The following ADGRG6 variants were observed in gnomAD, a reference collection of about 807,000 sequenced individuals.
The protein encoded by ADGRG6 is adhesion G protein-coupled receptor G6, also known as G-protein coupled receptor 126.
A neutral mutation model predicts 142.4 loss-of-function variants in ADGRG6; 84 were observed. The ratio of observed to expected loss-of-function variants is 0.59; its 90% confidence interval spans 0.49 to 0.71. The LOEUF is 0.71. ADGRG6 is among the 30% of genes least tolerant of loss of function. The probability of loss-of-function intolerance (pLI) is 0.00; values close to 1 mark genes in which losing one functional copy is unlikely to be tolerated. For missense variants in ADGRG6, 1,367 were observed against 1,466.6 expected (o/e 0.93, Z 1.11); for synonymous variants, 521 against 520.5 (o/e 1.00, Z -0.01).
rs779181219 is a variant in ADGRG6 at position 142,370,341 on chromosome 6, A to G, written c.617A>G (p.Asn206Ser). Residue 206 changes from asparagine to serine, a missense_variant, in exon 4 of 25, where the codon AAT (asparagine) becomes AGT (serine). Coordinates refer to ENST00000367609, the MANE Select transcript of ADGRG6 (RefSeq NM_198569.3). ...DSDWTAFSYS[N>S]ASFTQLLSFG... ...GATTGGACAGCTTTCTCCTACTCAA[A>G]TGCATCCTTCACACAATTGCTCAGT... is the stretch of plus-strand genomic sequence containing the variant. The G allele has an allele frequency of 1.2e-6, 2 of 1,613,662 alleles. No homozygotes were observed. Among genetic ancestry groups the G allele is most frequent in the South Asian group, 2.2e-5 (2 of 91,076 alleles).
At chr6:142,367,517 C>A (rs949281059) in intron 2 of ADGRG6, 52 bp from the exon 3 acceptor site, 1 of 1,313,394 alleles carries the variant, frequency 7.6e-7, no homozygotes, top group Non-Finnish European at 1.1e-6. Context: ...CGGTTTATTG[C>A]ATGCATCTGA....
intron 4 of ADGRG6, among the ~76,000 whole-genome samples, chr6:142,380,229 T>C (rs1269347314): frequency 6.6e-6 from 1 of 152,200 alleles, no homozygotes; most frequent in Admixed American, 6.5e-5. Context: ...ACTTAGGGTC[T>C]ATGTTGATGT....
At chr6:142,352,844 G>A (rs1364867536) in intron 2 of ADGRG6, among the ~76,000 whole-genome samples, 1 of 151,610 alleles carries the variant, frequency 6.6e-6, no homozygotes, top group African/African-American at 2.4e-5. Context: ...TGAATTTGTA[G>A]TACTTAAGAA....
chr6:142,325,656 A>T (rs554369277), intron 2 of ADGRG6, among the ~76,000 whole-genome samples: 1 of 152,132 alleles, frequency 6.6e-6, no homozygotes, highest in African/African-American at 2.4e-5. Flanking sequence ...CTGTAACCAT[A>T]GCTGTATTCA....
At chr6:142,302,893 C>T (rs1224776183) in intron 1 of ADGRG6, among the ~76,000 whole-genome samples, 3 of 152,086 alleles carry the variant, frequency 2.0e-5, no homozygotes, top group Non-Finnish European at 4.4e-5. Context: ...AGGGTTACGC[C>T]ACGTTACGTG....
intron 2 of ADGRG6, among the ~76,000 whole-genome samples, chr6:142,352,470 G>A (rs1245015134): frequency 6.6e-6 from 1 of 152,096 alleles, no homozygotes; most frequent in Non-Finnish European, 1.5e-5. Context: ...GCTTGAGTGG[G>A]GAGGATGGAA....
intron 2 of ADGRG6, 22 bp downstream of exon 2, chr6:142,309,666 A>G (rs1364679971): frequency 7.1e-7 from 1 of 1,415,142 alleles, no homozygotes; most frequent in Non-Finnish European, 9.9e-7. Context: ...CCTCTTTCAC[A>G]CCTGGAATTT....
chr6:142,412,182 T>A (rs1300986217), intron 18 of ADGRG6, among the ~76,000 whole-genome samples: 4 of 152,180 alleles, frequency 2.6e-5, no homozygotes, highest in Non-Finnish European at 4.4e-5. Context: ...TACCTTTCCC[T>A]TTTATCCAGT....
chr6:142,372,912 G>A (rs9403383), intron 4 of ADGRG6, among the ~76,000 whole-genome samples: 61,660 of 152,020 alleles, frequency 0.41, 14,631 homozygotes, highest in African/African-American at 0.67. Flanking sequence ...ATGGGACAAT[G>A]TTTTGAAGAT....
intron 2 of ADGRG6, among the ~76,000 whole-genome samples, chr6:142,361,897 T>C (rs1417960750): frequency 6.6e-6 from 1 of 152,146 alleles, no homozygotes; most frequent in Non-Finnish European, 1.5e-5. Context: ...TGTGTACATA[T>C]GCATACCCAT....
rs149044245 is a variant in ADGRG6 at position 142,403,740 on chromosome 6, G to A, written c.1956-62G>A. On this transcript the variant is annotated intron_variant, in intron 13 of 24. Transcript: ENST00000367609. ...TGTATTTTGCCATGCAGCAAAACAT[G>A]TATGTTTAAGAATCTAAAATATCAT... 1.7e-4 allele frequency: 177 copies of A among 1,043,578 alleles called. No individual in the cohort carries two copies. The African/African-American group carries it at 2.5e-3, about 15-fold the overall frequency. 64.6% of individuals were successfully genotyped at this position (1,043,578 alleles called of 1,614,324 possible).
At chr6:142,361,166 A>G (rs952853788) in intron 2 of ADGRG6, among the ~76,000 whole-genome samples, 1 of 152,200 alleles carries the variant, frequency 6.6e-6, no homozygotes, top group Non-Finnish European at 1.5e-5. Context: ...TCCTTGGACC[A>G]AGTAGTATAA....
chr6:142,338,017 G>GTTTTGTTTTT (rs1779411162), intron 2 of ADGRG6, among the ~76,000 whole-genome samples: 1 of 35,392 alleles, frequency 2.8e-5, no homozygotes, highest in Non-Finnish European at 4.7e-5. Context: ...TTGTATCTTT[G>GTTTTGTTTTT]TTTTTTTTTT....
chr6:142,340,307 A>G (rs901462142), intron 2 of ADGRG6, among the ~76,000 whole-genome samples: 1 of 152,138 alleles, frequency 6.6e-6, no homozygotes. Context: ...ATTACCAAAT[A>G]TTTATCAGTT....
intron 2 of ADGRG6, among the ~76,000 whole-genome samples, chr6:142,330,159 G>T (rs1203962844): frequency 5.3e-5 from 8 of 151,750 alleles, no homozygotes; most frequent in Non-Finnish European, 1.5e-5. Context: ...AAGGATAATG[G>T]CCTCCAGCTC....
chr6:142,351,504 C>T (rs1313662001), intron 2 of ADGRG6, among the ~76,000 whole-genome samples: 1 of 152,124 alleles, frequency 6.6e-6, no homozygotes, highest in African/African-American at 2.4e-5. Context: ...TGGCCATATG[C>T]AGAAGATTGA....
intron 1 of ADGRG6, among the ~76,000 whole-genome samples, chr6:142,304,980 A>T (rs941709466): frequency 2.0e-5 from 3 of 152,236 alleles, no homozygotes; most frequent in African/African-American, 7.2e-5. Flanking sequence ...CTTAAAAAAA[A>T]GCTTCAAGAT....
chr6:142,405,582 C>A, intron 14 of ADGRG6, 106 bp from the exon 15 acceptor site: 2 of 867,990 alleles, frequency 2.3e-6, no homozygotes, highest in Non-Finnish European at 3.8e-6. Flanking sequence ...CTGGTACTGG[C>A]TAATTTGAAC....
At chr6:142,318,262 T>TA (rs1239301180) in intron 2 of ADGRG6, among the ~76,000 whole-genome samples, 1 of 70,466 alleles carries the variant, frequency 1.4e-5, no homozygotes, top group African/African-American at 6.3e-5. Flanking sequence ...TATATATTTA[T>TA]TATATATATT....
Sources: allele counts gnomAD v4.1 joint callset (sites outside exome capture counted in the v4.1 genomes callset), GRCh38; gene constraint gnomAD v4.1.1; transcripts MANE v1.5; gene names NCBI Gene and HGNC (gene_info 2026-07-23, HGNC 2026-07-21).